The following HAP1 variants were observed in gnomAD, a reference collection of about 807,000 sequenced individuals.
HAP1 encodes huntingtin-associated protein 1.
HAP1 carries 59 observed loss-of-function variants against 60.3 expected under a neutral mutation model. The observed-to-expected ratio is 0.98, with a 90% CI of 0.79 to 1.22. The LOEUF (loss-of-function observed/expected upper bound fraction) is 1.22. Ranked by LOEUF, HAP1 falls within the 50% of genes most tolerant of loss-of-function variation. The pLI is 0.00. For synonymous variants in HAP1, 346 were observed against 330.6 expected (o/e 1.05, Z -0.50); for missense variants, 825 against 785.3 (o/e 1.05, Z -0.60).
chr17:41,719,456 G>A (rs1366965627), downstream of HAP1, among the ~76,000 whole-genome samples: 1 of 152,154 alleles, frequency 6.6e-6, no homozygotes, highest in Non-Finnish European at 1.5e-5. Context: ...ACTTTGGGAA[G>A]CCAAGGCAGG....
Position 41,724,441 on chromosome 17 carries a change from C to G in HAP1, c.*260G>C. On this transcript the variant is annotated 3_prime_UTR_variant, in exon 11 of 11. Coordinates refer to ENST00000347901, the MANE Select transcript of HAP1 (RefSeq NM_177977.3). ...AGGGGTTGGGGGCAGGGGAAGCAAG[C>G]GGGCAGAGATGGGAAGCTGAGGCGC... 2.1e-6 allele frequency: 1 copy of G among 473,054 alleles called. No individual in the cohort carries two copies. The highest frequency in any genetic ancestry group is 3.5e-5 in the Admixed American group (1 of 28,510). The allele number at this position is 473,054 out of a possible 1,614,324, so 29.3% of individuals were successfully genotyped here.
intron 7 of HAP1, 45 bp from the exon 8 acceptor site, chr17:41,727,881 ACTCAGG>A (rs1555589396): frequency 1.7e-6 from 2 of 1,167,076 alleles, no homozygotes; most frequent in Non-Finnish European, 2.6e-6. Flanking sequence ...AGGCCTACCC[ACTCAGG>A]GCACCCCCTG....
chr17:41,729,612 A>C (rs1316144566), intron 6 of HAP1, among the ~76,000 whole-genome samples: 1 of 143,254 alleles, frequency 7.0e-6, no homozygotes, highest in Admixed American at 7.3e-5. Context: ...GTGGTGGCTC[A>C]CACCTGTAAT....
downstream of HAP1, among the ~76,000 whole-genome samples, chr17:41,718,814 C>T (rs560377652): frequency 5.9e-5 from 9 of 152,300 alleles, no homozygotes; most frequent in East Asian, 1.3e-3. Flanking sequence ...GGTAACCTTA[C>T]GTCCACCAAG....
rs781905191 is a variant in HAP1 at position 41,724,906 on chromosome 17, C to T, written c.1655G>A (p.Arg552Gln). ...CAGGGCTGATGTCACCACGTTCATC[C>T]GCGTTGCCTCATCCAGCTCCAGTTC... The part of the protein sequence containing the change: ...EVELELDEAT[R>Q]MNVVTSALEA... Residue 552 changes from arginine (R) to glutamine (Q), a missense_variant, in exon 11 of 11, where the codon CGG (arginine) becomes CAG (glutamine). Physicochemically the swap from Arg to Gln is conservative, Grantham distance 43. Transcript: ENST00000347901. 6.2e-6 allele frequency: 10 copies of T among 1,613,524 alleles called. No homozygotes were observed. The highest frequency in any genetic ancestry group is 3.3e-5 in the South Asian group (3 of 91,086).
At chr17:41,732,550 GCT>G in intron 2 of HAP1, 156 bp from the exon 3 acceptor site, 1 of 951,872 alleles carries the variant, frequency 1.1e-6, no homozygotes, top group Non-Finnish European at 1.6e-6. Context: ...GACCAGATTG[GCT>G]CTGAGAGCTC....
At chr17:41,726,902 A>G (rs1911680970) in intron 9 of HAP1, 151 bp downstream of exon 9, 1 of 598,098 alleles carries the variant, frequency 1.7e-6, no homozygotes, top group Non-Finnish European at 3.0e-6. Flanking sequence ...TGATGGGTCC[A>G]TATTCATAGA....
intron 9 of HAP1, among the ~76,000 whole-genome samples, chr17:41,726,112 C>G (rs147270330): frequency 3.4e-4 from 51 of 151,682 alleles, no homozygotes; most frequent in African/African-American, 1.2e-3. Flanking sequence ...TCTACTAAAA[C>G]TACAAAAATT....
Position 41,732,237 on chromosome 17 carries a change from T to C in HAP1, c.707A>G (p.Lys236Arg). 1.2e-6 allele frequency: 2 copies of C among 1,614,130 alleles called. No homozygotes were observed. Among genetic ancestry groups the C allele is most frequent in the Non-Finnish European group, 1.7e-6 (2 of 1,180,002 alleles). The change falls in exon 3 of 11, where the codon AAG (lysine) becomes AGG (arginine). Residue 236 changes from lysine (K) to arginine (R), a missense_variant. By Grantham distance (26) the Lys-to-Arg change is conservative (BLOSUM62 2). Coordinates refer to ENST00000347901, the MANE Select transcript of HAP1 (RefSeq NM_177977.3). ...SKLEALLGSAKEEILYLRHQV... is the reference protein window; with the variant it reads ...SKLEALLGSAREEILYLRHQV... ...TCCTCCCCACCCGGTTACCTCCTCC[T>C]TGGCTGAGCCCAGCAGGGCTTCCAG...
chr17:41,731,637 C>T lies in HAP1; in HGVS notation c.1002+1G>A. ...GGGACGCCCTCCTCCCCCATTCTCA[C>T]CTCTTCTCTCAGCTGATGATTCTCC... is the stretch of plus-strand genomic sequence containing the variant. On this transcript the variant is annotated splice_donor_variant, in intron 5 of 10. Coordinates refer to ENST00000347901, the MANE Select transcript of HAP1 (RefSeq NM_177977.3). LOFTEE classifies it high-confidence loss of function. 1.2e-6 allele frequency: 2 copies of T among 1,612,882 alleles called. No homozygotes were observed. The highest frequency in any genetic ancestry group is 1.7e-6 in the Non-Finnish European group (2 of 1,178,836).
chr17:41,732,255 G>C lies in HAP1; in HGVS notation c.689C>G (p.Ala230Gly). 6.2e-7 allele frequency: 1 copy of C among 1,614,118 alleles called. No homozygotes were observed. Among genetic ancestry groups the C allele is most frequent in the Non-Finnish European group, 8.5e-7 (1 of 1,180,024 alleles). Residue 230 changes from alanine (A) to glycine (G), a missense_variant, in exon 3 of 11, where the codon GCC (alanine) becomes GGC (glycine). Transcript: ENST00000347901. The stretch of plus-strand genomic sequence containing the variant: ...CTCCTCCTTGGCTGAGCCCAGCAGG[G>C]CTTCCAGCTTGCTGTTCTCCTCCAT... ...VLMEENSKLEALLGSAKEEIL... is the reference protein window; with the variant it reads ...VLMEENSKLEGLLGSAKEEIL...
Position 41,734,383 on chromosome 17 carries a change from G to A in HAP1, c.252C>T (p.Ser84=). The A allele has an allele frequency of 1.2e-6, 2 of 1,606,180 alleles. No individual in the cohort carries two copies. The highest frequency in any genetic ancestry group is 1.7e-6 in the Non-Finnish European group (2 of 1,174,694). Residue 84 remains serine (S), a synonymous_variant, in exon 1 of 11, where the codon TCC becomes TCT. Transcript: ENST00000347901. ...AGAKAGARRP[S]AFSAIQGDVR... ...CATCCCCTTGGATGGCCGAGAATGC[G>A]GACGGGCGCCGGGCTCCTGCCTTGG...
chr17:41,726,560 C>CAAAA (rs57464420), intron 9 of HAP1, among the ~76,000 whole-genome samples: 1 of 114,112 alleles, frequency 8.8e-6, no homozygotes, highest in Admixed American at 9.3e-5. Flanking sequence ...AGACTCGTCT[C>CAAAA]AAAAAAAAAA....
downstream of HAP1, chr17:41,721,103 CT>C (rs1442571261): frequency 1.3e-5 from 2 of 152,206 alleles, no homozygotes; most frequent in Admixed American, 6.5e-5. Flanking sequence ...CCAGGCTACT[CT>C]GAGATATATT....
At chr17:41,726,226 A>C (rs1250073339) in intron 9 of HAP1, among the ~76,000 whole-genome samples, 1 of 152,138 alleles carries the variant, frequency 6.6e-6, no homozygotes, top group Non-Finnish European at 1.5e-5. Flanking sequence ...TAGCCTGGCC[A>C]ACATCTCTAC....
rs886402968 is a variant in HAP1 at position 41,724,465 on chromosome 17, G to A, written c.*236C>T. Reference sequence around the variant, plus strand: ...GCGGGCAGAGATGGGAAGCTGAGGCGCAGTGTGGGGGCACAGTCCCAGCCC... The same window carrying A: ...GCGGGCAGAGATGGGAAGCTGAGGCACAGTGTGGGGGCACAGTCCCAGCCC... On this transcript the variant is annotated 3_prime_UTR_variant, in exon 11 of 11. Coordinates refer to ENST00000347901, the MANE Select transcript of HAP1 (RefSeq NM_177977.3). 1.5e-5 allele frequency: 8 copies of A among 519,592 alleles called. No homozygotes were observed. The highest frequency in any genetic ancestry group is 6.6e-5 in the Admixed American group (2 of 30,448). The allele number at this position is 519,592 out of a possible 1,614,324, so 32.2% of individuals were successfully genotyped here.
intron 8 of HAP1, 48 bp from the exon 9 acceptor site, chr17:41,727,192 C>A (rs1555589093): frequency 1.0e-6 from 1 of 968,642 alleles, no homozygotes; most frequent in Non-Finnish European, 1.7e-6. Context: ...ACAGAACCCC[C>A]ACCCATAGGC....
At chr17:41,725,221 C>A in intron 10 of HAP1, 67 bp from the exon 11 acceptor site, 1 of 1,307,498 alleles carries the variant, frequency 7.6e-7, no homozygotes, top group South Asian at 1.3e-5. Flanking sequence ...CACCCCCACC[C>A]GTCTCCACAC....
At chr17:41,733,458 G>T (rs988691282) in intron 1 of HAP1, among the ~76,000 whole-genome samples, 1 of 147,104 alleles carries the variant, frequency 6.8e-6, no homozygotes, top group Non-Finnish European at 1.5e-5. Flanking sequence ...GGTCCCTGGC[G>T]CCTAGAATGG....
Sources: gnomAD v4.1 joint callset for allele counts (sites outside exome capture counted in the v4.1 genomes callset) on GRCh38, gnomAD v4.1.1 for gene constraint, MANE v1.5 for transcripts, NCBI Gene and HGNC (gene_info 2026-07-23, HGNC 2026-07-21) for gene names.